The following DPP10 variants were observed in gnomAD, a reference collection of about 807,000 sequenced individuals.
DPP10 encodes dipeptidyl peptidase like 10.
Under a neutral mutation model 120.9 loss-of-function variants are expected in DPP10, and 33 were observed. The ratio of observed to expected loss-of-function variants is 0.27; its 90% confidence interval spans 0.21 to 0.37. The LOEUF (loss-of-function observed/expected upper bound fraction) is 0.37. Among genes scored for constraint, DPP10 ranks in the 10% least tolerant of loss-of-function variants. DPP10 has a pLI of 1.00. For synonymous variants in DPP10, 337 were observed against 326.1 expected (o/e 1.03, Z -0.36); for missense variants, 816 against 942.8 (o/e 0.87, Z 1.76).
intron 1 of DPP10, among the ~76,000 whole-genome samples, chr2:115,013,211 G>A (rs760430168): frequency 2.4e-4 from 36 of 152,098 alleles, no homozygotes; most frequent in Middle Eastern, 3.4e-3. Flanking sequence ...ATCTCTCACC[G>A]TTTGTTTTTC....
intron 1 of DPP10, among the ~76,000 whole-genome samples, chr2:114,817,951 C>T (rs1378564318): frequency 6.6e-6 from 1 of 152,132 alleles, no homozygotes; most frequent in African/African-American, 2.4e-5. Context: ...TTATCTAACT[C>T]AAGCCAATTC....
At chr2:114,730,117 T>C (rs556785930) in intron 1 of DPP10, among the ~76,000 whole-genome samples, 19 of 150,844 alleles carry the variant, frequency 1.3e-4, no homozygotes, top group Admixed American at 4.6e-4. Context: ...ATATTATTTG[T>C]TCTTACTGTC....
chr2:114,532,280 TATATATATATATATATACACACAC>T (rs1192074883), intron 1 of DPP10, among the ~76,000 whole-genome samples: 4 of 49,462 alleles, frequency 8.1e-5, no homozygotes, highest in African/African-American at 2.6e-4. Flanking sequence ...TATATATATA[TATATATATATATATATACACACAC>T]ACACACACAC....
At chr2:115,121,747 C>T (rs2049834578) in intron 1 of DPP10, among the ~76,000 whole-genome samples, 3 of 152,082 alleles carry the variant, frequency 2.0e-5, no homozygotes, top group Admixed American at 1.3e-4. Flanking sequence ...GTTAAGACTC[C>T]CTCCTGTTTG....
rs1225428188 is a variant in DPP10 at position 115,162,129 on chromosome 2, C to T, written c.61-147110C>T. 19 of 1,528,864 alleles carry T rather than the reference C, an allele frequency of 1.2e-5. No homozygotes were observed. The Middle Eastern group carries it at 7.0e-4, about 56-fold the overall frequency. 94.7% of individuals were successfully genotyped at this position (1,528,864 alleles called of 1,614,324 possible). The stretch of plus-strand genomic sequence containing the variant: ...CCAGGCTGGGCTCCCGCGCCTCCCT[C>T]TTCTCACCCTCCCCCGCCCCGCCCC... On this transcript the variant is annotated intron_variant, in intron 1 of 25. Transcript: ENST00000410059.
chr2:115,038,182 C>T (rs1047518828), intron 1 of DPP10, among the ~76,000 whole-genome samples: 2 of 152,104 alleles, frequency 1.3e-5, no homozygotes, highest in Non-Finnish European at 2.9e-5. Context: ...AAATACACCA[C>T]AAGTCAGAGT....
chr2:114,611,704 A>T (rs891694474), intron 1 of DPP10, among the ~76,000 whole-genome samples: 3 of 152,186 alleles, frequency 2.0e-5, no homozygotes, highest in African/African-American at 7.2e-5. Context: ...GGATATTTAA[A>T]TTATTTCCAA....
At chr2:115,392,005 C>T (rs2106545089) in intron 3 of DPP10, among the ~76,000 whole-genome samples, 1 of 152,142 alleles carries the variant, frequency 6.6e-6, no homozygotes. Context: ...CTCTCAGTAA[C>T]CACTTGTATT....
intron 19 of DPP10, among the ~76,000 whole-genome samples, chr2:115,812,290 A>C (rs910592770): frequency 6.6e-6 from 1 of 152,104 alleles, no homozygotes; most frequent in African/African-American, 2.4e-5. Flanking sequence ...CTTTATGTAA[A>C]CTCAAGTCTT....
At chr2:115,382,398 T>C (rs1356271703) in intron 3 of DPP10, among the ~76,000 whole-genome samples, 1 of 152,226 alleles carries the variant, frequency 6.6e-6, no homozygotes, top group Non-Finnish European at 1.5e-5. Flanking sequence ...AGTGAGGCAA[T>C]GCCTCGCCCT....
chr2:115,415,441 A>G (rs2069303136), intron 3 of DPP10, among the ~76,000 whole-genome samples: 1 of 152,160 alleles, frequency 6.6e-6, no homozygotes, highest in Non-Finnish European at 1.5e-5. Context: ...CTACAGAGAT[A>G]GCCTCTGAAG....
chr2:115,789,759 T>C (rs1052312697), intron 17 of DPP10, among the ~76,000 whole-genome samples: 6 of 152,218 alleles, frequency 3.9e-5, no homozygotes, highest in African/African-American at 1.4e-4. Context: ...AGTGAATTTA[T>C]CATGGTTACA....
intron 1 of DPP10, among the ~76,000 whole-genome samples, chr2:115,123,677 AT>A (rs574431328): frequency 6.4e-4 from 97 of 152,120 alleles, no homozygotes; most frequent in African/African-American, 2.2e-3. Flanking sequence ...ACCAATTATT[AT>A]TTTAGAGAGA....
chr2:115,133,163 A>G (rs1363221769), intron 1 of DPP10, among the ~76,000 whole-genome samples: 3 of 128,916 alleles, frequency 2.3e-5, no homozygotes, highest in East Asian at 2.1e-4. Flanking sequence ...ATATATATAT[A>G]TATATATATA....
At chr2:115,654,055 T>C (rs1160961952) in intron 5 of DPP10, among the ~76,000 whole-genome samples, 1 of 151,870 alleles carries the variant, frequency 6.6e-6, no homozygotes. Flanking sequence ...AACGTTCTTT[T>C]TATATTGTAT....
chr2:115,573,276 A>ATTTTTTTTTTTTTTTTTT, intron 5 of DPP10, among the ~76,000 whole-genome samples: 1 of 86,528 alleles, frequency 1.2e-5, no homozygotes, highest in Non-Finnish European at 2.3e-5. Flanking sequence ...GCTTCCTGGG[A>ATTTTTTTTTTTTTTTTTT]TTTTTTTTTT....
At chr2:115,287,473 G>T (rs1174919279) in intron 1 of DPP10, among the ~76,000 whole-genome samples, 2 of 151,874 alleles carry the variant, frequency 1.3e-5, no homozygotes, top group African/African-American at 4.8e-5. Context: ...AGTCTCTAAT[G>T]TTCATTATAC....
At chr2:115,635,188 A>G (rs570105558) in intron 5 of DPP10, among the ~76,000 whole-genome samples, 50 of 150,142 alleles carry the variant, frequency 3.3e-4, no homozygotes, top group Non-Finnish European at 6.1e-4. Context: ...TTGAAAGCTC[A>G]GCCATCTTAG....
rs761908890 is a variant in DPP10 at position 115,483,196 on chromosome 2, C to A, written c.272-16314C>A. ...ATACTCAAGATCACTTTATTGGATA[C>A]ATACTCTGTGGAAGGTACTTCATTT... On this transcript the variant is annotated intron_variant, in intron 3 of 25. Coordinates refer to ENST00000410059, the MANE Select transcript of DPP10 (RefSeq NM_020868.6). Among the ~76,000 whole-genome samples the A allele has an allele frequency of 9.0e-4, 137 of 152,024 alleles. 1 individual carries two copies. Among genetic ancestry groups the A allele is most frequent in the Non-Finnish European group, 1.6e-3 (108 of 67,980 alleles).
Sources: gnomAD v4.1 joint callset for allele counts (sites outside exome capture counted in the v4.1 genomes callset) on GRCh38, gnomAD v4.1.1 for gene constraint, MANE v1.5 for transcripts, NCBI Gene and HGNC (gene_info 2026-07-23, HGNC 2026-07-21) for gene names.